Variants in PARVA observed in about 807,000 individuals in gnomAD.
PARVA encodes alpha-parvin.
A neutral mutation model predicts 52.6 loss-of-function variants in PARVA; 25 were observed. The ratio of observed to expected loss-of-function variants is 0.48; its 90% CI spans 0.35 to 0.66. The LOEUF (loss-of-function observed/expected upper bound fraction) is 0.66, where lower values mean the gene tolerates loss of function less well. PARVA is among the 30% of genes least tolerant of loss of function. The pLI is 0.01. For synonymous variants in PARVA, 185 were observed against 179.1 expected, an observed-to-expected ratio of 1.03 and a Z score of -0.26; for missense variants, 373 against 450.9, an observed-to-expected ratio of 0.83 and a Z score of 1.56.
intron 6 of PARVA, among the ~76,000 whole-genome samples, chr11:12,506,313 G>A (rs2135069996): frequency 6.6e-6 from 1 of 152,126 alleles, no homozygotes; most frequent in South Asian, 2.1e-4. Context: ...ATTTATAATA[G>A]CTCTCTTATC....
chr11:12,404,730 G>C (rs536964851), intron 1 of PARVA, among the ~76,000 whole-genome samples: 2 of 152,216 alleles, frequency 1.3e-5, no homozygotes, highest in African/African-American at 4.8e-5. Flanking sequence ...TGAGTCATTA[G>C]GGGTCCTGGC....
intron 1 of PARVA, among the ~76,000 whole-genome samples, chr11:12,431,623 C>T (rs1940317781): frequency 6.6e-6 from 1 of 152,232 alleles, no homozygotes; most frequent in Admixed American, 6.5e-5. Context: ...TCTCACCTGA[C>T]CTGAAAGGCC....
rs1043754217 is a variant in PARVA at position 12,449,022 on chromosome 11, A to G, written c.137-24723A>G. ...AGGAAGGAACTGTTTGTAATGGAAA[A>G]TAATATTCACTATATTATAGTTGCT... On this transcript the variant is annotated intron_variant, in intron 1 of 12. Transcript: ENST00000334956. Among the ~76,000 whole-genome samples, 3 of 152,196 alleles carry G rather than the reference A, an allele frequency of 2.0e-5. No individual in the cohort carries two copies. In the East Asian group the frequency reaches 5.8e-4, roughly 29 times the overall value.
intron 1 of PARVA, among the ~76,000 whole-genome samples, chr11:12,411,269 G>A (rs1438446601): frequency 6.6e-6 from 1 of 152,156 alleles, no homozygotes; most frequent in African/African-American, 2.4e-5. Context: ...AATTACCTTT[G>A]CACCAACCTA....
chr11:12,520,627 G>T (rs1014055701), intron 12 of PARVA, among the ~76,000 whole-genome samples: 3 of 152,148 alleles, frequency 2.0e-5, no homozygotes, highest in African/African-American at 7.2e-5. Flanking sequence ...TAAGCCAAGG[G>T]TTAGCATCAA....
intron 12 of PARVA, among the ~76,000 whole-genome samples, chr11:12,520,283 A>G (rs984982280): frequency 3.9e-5 from 6 of 152,276 alleles, no homozygotes; most frequent in African/African-American, 1.4e-4. Context: ...GAATGGAAAT[A>G]GCATTTTATG....
rs1941723578 is a variant in PARVA at position 12,527,895 on chromosome 11, C to T, written c.1089C>T (p.Asn363=). ...DLKSTLRVLY[N]LFTKYRNVE is the part of the protein sequence containing the mutation. ...AATCTACACTACGAGTGTTGTACAA[C>T]CTCTTCACCAAGTACCGTAACGTGG... Residue 363 remains asparagine (N), a synonymous_variant, in exon 13 of 13, where the codon AAC becomes AAT. Coordinates refer to ENST00000334956, the MANE Select transcript of PARVA (RefSeq NM_018222.5). 1.2e-6 allele frequency: 2 copies of T among 1,613,188 alleles called. No homozygotes were observed. The highest frequency in any genetic ancestry group is 1.7e-6 in the Non-Finnish European group (2 of 1,179,626).
chr11:12,414,756 A>G (rs964415400), intron 1 of PARVA, among the ~76,000 whole-genome samples: 10 of 152,198 alleles, frequency 6.6e-5, no homozygotes, highest in African/African-American at 2.2e-4. Context: ...AAGTAATTCA[A>G]AACATGGAAT....
intron 12 of PARVA, among the ~76,000 whole-genome samples, chr11:12,525,501 G>T (rs1044250228): frequency 6.6e-6 from 1 of 152,010 alleles, no homozygotes; most frequent in Admixed American, 6.6e-5. Flanking sequence ...GCTCACCTTT[G>T]CCCCTCTCTG....
intron 1 of PARVA, among the ~76,000 whole-genome samples, chr11:12,387,286 C>A (rs74529086): frequency 0.042 from 6,354 of 152,266 alleles, 427 homozygotes; most frequent in African/African-American, 0.14. Context: ...CACAAGGAGA[C>A]CTCCTCCTGC....
chr11:12,409,080 A>G (rs1479100734), intron 1 of PARVA, among the ~76,000 whole-genome samples: 2 of 152,236 alleles, frequency 1.3e-5, no homozygotes, highest in African/African-American at 4.8e-5. Context: ...TTGCAGGGCC[A>G]CTGGAAGCCT....
intron 9 of PARVA, chr11:12,513,713 C>G (rs1484512954): frequency 5.1e-6 from 3 of 585,578 alleles, no homozygotes; most frequent in Non-Finnish European, 9.2e-6. Context: ...ATTTCAGTTC[C>G]CCCACCCAGA....
rs556533160 is a variant in PARVA, at chr11:12,421,072, G to A, written c.136+43289G>A. On this transcript the variant is annotated intron_variant, in intron 1 of 12. Coordinates refer to ENST00000334956, the MANE Select transcript of PARVA (RefSeq NM_018222.5). Reference sequence around the variant, plus strand: ...CCGGCTCTAAAGGTGATACTACCATGATTTACTACTTGGGGTGTCTTGGTG... The same window carrying A: ...CCGGCTCTAAAGGTGATACTACCATAATTTACTACTTGGGGTGTCTTGGTG... Among the ~76,000 whole-genome samples the A allele has an allele frequency of 3.1e-5, 3 of 95,368 alleles. No individual in the cohort carries two copies. The South Asian group carries it at 1.5e-3, about 49-fold the overall frequency. 62.6% of individuals were successfully genotyped at this position (95,368 alleles called of 152,430 possible).
At chr11:12,460,353 TTCC>T (rs1940760310) in intron 1 of PARVA, among the ~76,000 whole-genome samples, 1 of 152,196 alleles carries the variant, frequency 6.6e-6, no homozygotes, top group Non-Finnish European at 1.5e-5. Context: ...GGGCCTCATT[TTCC>T]TCATCTGTAA....
At chr11:12,449,189 C>T (rs540830540) in intron 1 of PARVA, among the ~76,000 whole-genome samples, 6 of 151,756 alleles carry the variant, frequency 4.0e-5, no homozygotes, top group East Asian at 1.9e-4. Context: ...ACAGTCTCCC[C>T]GTCGCCCAGG....
intron 1 of PARVA, among the ~76,000 whole-genome samples, chr11:12,423,156 A>G (rs886950703): frequency 6.7e-6 from 1 of 148,364 alleles, no homozygotes; most frequent in African/African-American, 2.5e-5. Context: ...GCCTAGCCAG[A>G]TGTTTTGTTA....
At position 12,508,790 on chromosome 11, in the gene PARVA, A is replaced by T. The variant is rs573524495; in HGVS notation, c.716+148A>T. ...CAATGATTATAGTTTAGCCTTTTCC[A>T]TGCATTCAAAACATGCCTCTCAATG... On this transcript the variant is annotated intron_variant, in intron 7 of 12. Coordinates refer to ENST00000334956, the MANE Select transcript of PARVA (RefSeq NM_018222.5). The T allele has an allele frequency of 2.5e-5, 17 of 684,132 alleles. No homozygotes were observed. In the East Asian group the frequency reaches 4.8e-4, roughly 19 times the overall value. 42.4% of individuals were successfully genotyped at this position (684,132 alleles called of 1,614,324 possible).
At chr11:12,467,041 A>C (rs577549688) in intron 1 of PARVA, among the ~76,000 whole-genome samples, 1 of 152,340 alleles carries the variant, frequency 6.6e-6, no homozygotes, top group South Asian at 2.1e-4. Context: ...TATTTAGATC[A>C]TCTGGGTTTT....
In PARVA at chr11:12,514,022, A is replaced by T; in HGVS notation, c.824A>T (p.His275Leu). ...KKTLITFVNK[H>L]LNKLNLEVTE... ...ACACTCATCACTTTCGTGAACAAGC[A>T]CCTGAATAAACTGAACCTGGAGGTC... The change falls in exon 10 of 13, where the codon CAC becomes CTC. Residue 275 changes from histidine (H) to leucine (L), a missense_variant. Coordinates refer to ENST00000334956, the MANE Select transcript of PARVA (RefSeq NM_018222.5). 2 of 1,614,068 alleles carry T rather than the reference A, an allele frequency of 1.2e-6. No individual in the cohort carries two copies. The highest frequency in any genetic ancestry group is 1.7e-6 in the Non-Finnish European group (2 of 1,179,942).
Sources: allele counts gnomAD v4.1 joint callset (sites outside exome capture counted in the v4.1 genomes callset), GRCh38; gene constraint gnomAD v4.1.1; transcripts MANE v1.5; gene names NCBI Gene and HGNC (gene_info 2026-07-23, HGNC 2026-07-21).